Variants in PINLYP observed in about 807,000 individuals in gnomAD.
PINLYP encodes phospholipase A2 inhibitor and LY6/PLAUR domain containing.
Under a neutral mutation model 15.8 loss-of-function variants are expected in PINLYP, and 12 were observed. The ratio of observed to expected loss-of-function variants is 0.76; its 90% CI spans 0.49 to 1.23. The LOEUF (loss-of-function observed/expected upper bound fraction) is 1.23, where lower values mean the gene tolerates loss of function less well. Ranked by LOEUF, PINLYP falls within the 50% of genes most tolerant of loss-of-function variation. The pLI, the probability that PINLYP is intolerant of heterozygous loss-of-function variation, is 0.00. For missense variants in PINLYP, 278 were observed against 264.2 expected (o/e 1.05, Z -0.36); for synonymous variants, 93 against 97.7 (o/e 0.95, Z 0.28).
chr19:43,580,687 G>A, intron 3 of PINLYP: 17 of 986,444 alleles, frequency 1.7e-5, no homozygotes, highest in Non-Finnish European at 1.9e-5. Context: ...ATGGGGAGCT[G>A]GAAGAGACCA....
intron 3 of PINLYP, chr19:43,579,005 C>G: frequency 3.2e-6 from 1 of 311,598 alleles, no homozygotes; most frequent in Non-Finnish European, 6.3e-6. Flanking sequence ...AGGAAAGACA[C>G]TGTGGGGGGC....
intron 3 of PINLYP, among the ~76,000 whole-genome samples, chr19:43,579,856 C>T (rs1292118462): frequency 1.3e-5 from 2 of 151,812 alleles, no homozygotes; most frequent in African/African-American, 4.8e-5. Context: ...GAGCTAAGTG[C>T]ACACCGCTGC....
intron 3 of PINLYP, chr19:43,578,955 G>C: frequency 2.4e-6 from 1 of 419,000 alleles, no homozygotes; most frequent in Non-Finnish European, 4.5e-6. Flanking sequence ...AATGTGGGAG[G>C]GGTGAGAGTT....
chr19:43,578,496 C>T (rs1201102960), intron 2 of PINLYP, 94 bp from the exon 3 acceptor site: 2 of 844,288 alleles, frequency 2.4e-6, no homozygotes, highest in Non-Finnish European at 1.8e-6. Flanking sequence ...CTGCTGGTCC[C>T]TCCTCTCTCA....
Position 43,575,836 on chromosome 19 carries a change from T to TG in PINLYP, c.-1159dup. ...GAAATTCGCCTTTCTCATTGCACGA[T>TG]GGAGTTACCGCCCACACTGAAGCCG... On this transcript the variant is annotated 5_prime_UTR_variant, in exon 1 of 6. It removes the in-frame stop codon of an upstream open reading frame in the 5' UTR. Coordinates refer to ENST00000599207, the Ensembl canonical transcript of PINLYP. 1 of 201,440 alleles carries TG rather than the reference T, an allele frequency of 5.0e-6. No homozygotes were observed. The highest frequency in any genetic ancestry group is 1.1e-4 in the East Asian group (1 of 8,960). 12.5% of individuals were successfully genotyped at this position (201,440 alleles called of 1,614,324 possible).
intron 5 of PINLYP, 37 bp from the exon 6 acceptor site, chr19:43,581,831 T>G (rs1464139324): frequency 2.0e-6 from 3 of 1,536,050 alleles, no homozygotes; most frequent in Non-Finnish European, 2.6e-6. Flanking sequence ...AAGAAGGGGC[T>G]GAGGTCCCTG....
chr19:43,579,601 A>C (rs1568522558), intron 3 of PINLYP, among the ~76,000 whole-genome samples: 1 of 149,778 alleles, frequency 6.7e-6, no homozygotes, highest in Non-Finnish European at 1.5e-5. Context: ...GATGTGGATG[A>C]GTAAAATGAA....
At chr19:43,579,009 G>C (rs1412570709) in intron 3 of PINLYP, 3 of 322,952 alleles carry the variant, frequency 9.3e-6, no homozygotes, top group East Asian at 8.4e-5. Flanking sequence ...AAGACACTGT[G>C]GGGGGCAGAG....
intron 3 of PINLYP, chr19:43,580,771 C>A: frequency 1.2e-6 from 1 of 850,824 alleles, no homozygotes; most frequent in Non-Finnish European, 1.4e-6. Flanking sequence ...ATGCACCAGA[C>A]AGATTTGGCC....
At position 43,581,120 on chromosome 19, in the gene PINLYP, G is replaced by A. The variant is rs542544644; in HGVS notation, c.188-92G>A. On this transcript the variant is annotated intron_variant, in intron 3 of 5. Coordinates refer to ENST00000599207, the Ensembl canonical transcript of PINLYP. Reference sequence around the variant, plus strand: ...GACCATCCCAGGAAGTTGTGGGGTTGGGGAGGCCTAGGGTTAGGCAAGACC... The same window carrying A: ...GACCATCCCAGGAAGTTGTGGGGTTAGGGAGGCCTAGGGTTAGGCAAGACC... 1.6e-5 allele frequency: 22 copies of A among 1,336,000 alleles called. No homozygotes were observed. The South Asian group carries it at 2.5e-4, about 15-fold the overall frequency. The allele number at this position is 1,336,000 out of a possible 1,614,324, so 82.8% of individuals were successfully genotyped here.
rs766299098 is a variant in PINLYP at position 43,578,676 on chromosome 19, T to A, written c.157T>A (p.Cys53Ser). ...GACCTGCAGCAGTGACAAGGACACATGTGTGCTCCTGGTCGGGAAGGCTAC... is the reference window on the plus strand; with the variant it reads ...GACCTGCAGCAGTGACAAGGACACAAGTGTGCTCCTGGTCGGGAAGGCTAC... Residue 53 changes from cysteine to serine, a missense_variant, in exon 3 of 6, where the codon TGT becomes AGT. Physicochemically the swap from Cys to Ser is moderately radical, Grantham distance 112. Coordinates refer to ENST00000599207, the Ensembl canonical transcript of PINLYP. The A allele has an allele frequency of 6.5e-6, 10 of 1,535,694 alleles. 1 individual carries two copies. The South Asian group carries it at 1.2e-4, about 18-fold the overall frequency.
chr19:43,575,542 T>A, upstream of PINLYP: 3 of 1,433,494 alleles, frequency 2.1e-6, no homozygotes, highest in Non-Finnish European at 1.9e-6. Flanking sequence ...GGGGGCGGGG[T>A]GCGCCCTGCG....
chr19:43,580,489 A>C, intron 3 of PINLYP: 6 of 973,760 alleles, frequency 6.2e-6, no homozygotes, highest in African/African-American at 1.8e-5. Context: ...GTTCATTGGA[A>C]GAGACTACGG....
chr19:43,578,901 T>C (rs1972898093), intron 3 of PINLYP, 195 bp downstream of exon 3: 1 of 537,492 alleles, frequency 1.9e-6, no homozygotes, highest in African/African-American at 1.9e-5. Context: ...GAAATCATTA[T>C]TGTCACAGAA....
rs10424731 is a variant in PINLYP at position 43,578,146 on chromosome 19, T to C, written c.71-444T>C. ...CTCACTCTCCCTCCTTGACCTGGGA[T>C]GCAGACCCTAGCCTCAGGGCCCCCT... is the stretch of plus-strand genomic sequence containing the variant. On this transcript the variant is annotated intron_variant, in intron 2 of 5. Coordinates refer to ENST00000599207, the Ensembl canonical transcript of PINLYP. 2.4e-3 allele frequency among the ~76,000 whole-genome samples: 369 copies of C among 152,152 alleles called. 3 individuals carry two copies. The highest frequency in any genetic ancestry group is 8.4e-3 in the African/African-American group (349 of 41,502).
Position 43,581,638 on chromosome 19 carries a change from G to C in PINLYP, c.416G>C (p.Gly139Ala), listed in dbSNP as rs184784442. 3.3e-6 allele frequency: 5 copies of C among 1,536,498 alleles called. No homozygotes were observed. In the South Asian group the frequency reaches 5.9e-5, roughly 18 times the overall value. The stretch of plus-strand genomic sequence containing the variant: ...GCGAGCTTCAGGGACAAATGCATGG[G>C]GCCCATGACCCACTGTACTGGAAAG... Residue 139 changes from glycine to alanine, a missense_variant, in exon 5 of 6, where the codon GGG (glycine) becomes GCG (alanine). Physicochemically the swap from Gly to Ala is moderately conservative, Grantham distance 60 (BLOSUM62 0). Transcript: ENST00000599207.
chr19:43,577,319 T>C, intron 2 of PINLYP, 58 bp downstream of exon 2: 2 of 1,474,060 alleles, frequency 1.4e-6, no homozygotes, highest in East Asian at 5.0e-5. Flanking sequence ...AGGTCCCAGA[T>C]TGAGAGAGAG....
chr19:43,577,078 T>C, intron 1 of PINLYP, 37 bp from the exon 2 acceptor site: 4 of 1,524,904 alleles, frequency 2.6e-6, no homozygotes, highest in Non-Finnish European at 3.5e-6. Flanking sequence ...CACAGAGGAC[T>C]GCCCTGGGTT....
chr19:43,581,567 C>G lies in PINLYP; in HGVS notation c.345C>G (p.Pro115=), dbSNP rs750846092. The G allele has an allele frequency of 5.9e-6, 9 of 1,535,194 alleles. No individual in the cohort carries two copies. In the South Asian group the frequency reaches 8.3e-5, roughly 14 times the overall value. Residue 115 remains proline (P), a synonymous_variant, in exon 5 of 6, where the codon CCC becomes CCG. Coordinates refer to ENST00000599207, the Ensembl canonical transcript of PINLYP. ...ACACTTCATCCTCATCCTCAGTTCC[C>G]TTGACCAATCTTACTGAGAATGGCC...
Sources: gnomAD v4.1 joint callset for allele counts (sites outside exome capture counted in the v4.1 genomes callset) on GRCh38, gnomAD v4.1.1 for gene constraint, MANE v1.5 for transcripts, NCBI Gene and HGNC (gene_info 2026-07-23, HGNC 2026-07-21) for gene names.